The following MDFIC variants were observed in gnomAD, a reference collection of about 807,000 sequenced individuals.
MDFIC encodes the protein MyoD family inhibitor domain containing, also known as myoD family inhibitor domain-containing protein.
In MDFIC, 17 loss-of-function variants were observed where a neutral mutation model predicts 23.2. The observed-to-expected ratio is 0.73, with a 90% CI of 0.50 to 1.10. MDFIC has a LOEUF of 1.10. Ranked by LOEUF, MDFIC falls within the 50% of genes least tolerant of loss-of-function variation. The pLI is 0.00. For missense variants in MDFIC, 356 were observed against 316.6 expected (o/e 1.12, Z -0.95); for synonymous variants, 120 against 115.2 (o/e 1.04, Z -0.27).
intron 2 of MDFIC, among the ~76,000 whole-genome samples, chr7:114,938,473 C>T (rs1362507347): frequency 2.6e-5 from 4 of 151,834 alleles, no homozygotes; most frequent in South Asian, 4.2e-4. Context: ...GAATAGTGCC[C>T]CTCAAGTCTG....
At chr7:114,958,451 G>C (rs1232916303) in intron 3 of MDFIC, among the ~76,000 whole-genome samples, 3 of 152,128 alleles carry the variant, frequency 2.0e-5, no homozygotes, top group East Asian at 3.8e-4. Context: ...CCTTAAATAT[G>C]TTTGAAACTA....
chr7:114,998,224 TA>T (rs1791383218), intron 4 of MDFIC, among the ~76,000 whole-genome samples: 1 of 152,186 alleles, frequency 6.6e-6, no homozygotes, highest in African/African-American at 2.4e-5. Flanking sequence ...TTGTAGTTTA[TA>T]AAGGGTATAC....
chr7:114,978,704 G>A (rs1440658974), intron 3 of MDFIC, among the ~76,000 whole-genome samples: 1 of 151,840 alleles, frequency 6.6e-6, no homozygotes, highest in Non-Finnish European at 1.5e-5. Context: ...ATATTTGAAT[G>A]TTCCCCAGAA....
Position 115,015,673 on chromosome 7 carries a change from T to C in MDFIC, c.494-15T>C, listed in dbSNP as rs1255235731. On this transcript the variant is annotated splice_polypyrimidine_tract_variant and intron_variant, in intron 4 of 4. Transcript: ENST00000393486. ...TTTTTCTCACTATATGGTCTCCTCA[T>C]CACTGAAAATGAAGATTGTTGTGTC... is the stretch of plus-strand genomic sequence containing the variant. 1 of 1,612,888 alleles carries C rather than the reference T, an allele frequency of 6.2e-7. No homozygotes were observed. The highest frequency in any genetic ancestry group is 1.7e-5 in the Admixed American group (1 of 59,980).
At chr7:114,967,132 G>A (rs899439880) in intron 3 of MDFIC, among the ~76,000 whole-genome samples, 5 of 152,114 alleles carry the variant, frequency 3.3e-5, no homozygotes, top group Non-Finnish European at 7.4e-5. Flanking sequence ...GTTGCTCTCT[G>A]AACATTTGCA....
intron 3 of MDFIC, among the ~76,000 whole-genome samples, chr7:114,967,761 T>G (rs899878895): frequency 4.6e-5 from 7 of 151,950 alleles, no homozygotes; most frequent in Admixed American, 1.3e-4. Context: ...AATGGCACAA[T>G]TAGAGGAAAA....
intron 4 of MDFIC, among the ~76,000 whole-genome samples, chr7:115,011,277 G>A (rs867708059): frequency 2.6e-5 from 4 of 152,012 alleles, no homozygotes; most frequent in Middle Eastern, 3.4e-3. Flanking sequence ...CTTCTTAGGA[G>A]TATTATTAGA....
chr7:114,976,635 G>A (rs1030416188), intron 3 of MDFIC, among the ~76,000 whole-genome samples: 1 of 152,056 alleles, frequency 6.6e-6, no homozygotes, highest in Non-Finnish European at 1.5e-5. Context: ...ACGGTAACAG[G>A]ATGTTCTATA....
chr7:114,952,895 AG>A (rs1299503804), intron 3 of MDFIC, among the ~76,000 whole-genome samples: 4 of 152,226 alleles, frequency 2.6e-5, no homozygotes, highest in Middle Eastern at 3.2e-3. Context: ...AGCATTGCAA[AG>A]GCGCTGTCAT....
At chr7:115,004,217 A>G (rs1194247456) in intron 4 of MDFIC, among the ~76,000 whole-genome samples, 2 of 152,182 alleles carry the variant, frequency 1.3e-5, no homozygotes, top group East Asian at 1.9e-4. Context: ...AAATGAGCCA[A>G]ATGTTCACCT....
intron 3 of MDFIC, among the ~76,000 whole-genome samples, chr7:114,950,833 G>A (rs888254011): frequency 1.3e-5 from 2 of 152,136 alleles, no homozygotes; most frequent in African/African-American, 4.8e-5. Context: ...GTAAAGCTGG[G>A]TTTTTATCAA....
At chr7:115,002,362 C>G (rs1160626872) in intron 4 of MDFIC, among the ~76,000 whole-genome samples, 1 of 152,204 alleles carries the variant, frequency 6.6e-6, no homozygotes, top group Non-Finnish European at 1.5e-5. Context: ...ATCACTGTCA[C>G]TATGCATGTG....
chr7:114,958,642 T>C (rs2115851107), intron 3 of MDFIC, among the ~76,000 whole-genome samples: 1 of 152,132 alleles, frequency 6.6e-6, no homozygotes, highest in Middle Eastern at 3.4e-3. Context: ...TCCCAGCTAC[T>C]TGGGAGGCTG....
chr7:114,922,434 C>CGCCACCGCT lies in MDFIC; in HGVS notation c.-306_-298dup. On this transcript the variant is annotated 5_prime_UTR_variant, in exon 1 of 5. Transcript: ENST00000393486. ...GGGGCGGAGTGCGCGGAGTCAGAGCCGCCACCGCTGCCGCAGTTGCCGCCA... is the reference window on the plus strand; with the variant it reads ...GGGGCGGAGTGCGCGGAGTCAGAGCCGCCACCGCTGCCACCGCTGCCGCAGTTGCCGCCA... 8.1e-7 allele frequency: 1 copy of CGCCACCGCT among 1,241,974 alleles called. No individual in the cohort carries two copies. Among genetic ancestry groups the CGCCACCGCT allele is most frequent in the African/African-American group, 1.5e-5 (1 of 64,530 alleles). 76.9% of individuals were successfully genotyped at this position (1,241,974 alleles called of 1,614,324 possible).
chr7:115,004,484 T>G (rs1303957386), intron 4 of MDFIC, among the ~76,000 whole-genome samples: 1 of 152,178 alleles, frequency 6.6e-6, no homozygotes, highest in Non-Finnish European at 1.5e-5. Context: ...AACGAAACAA[T>G]TGAACTCATT....
Position 114,922,401 on chromosome 7 carries a change from G to A in MDFIC, c.-343G>A. 1 of 1,238,142 alleles carries A rather than the reference G, an allele frequency of 8.1e-7. No individual in the cohort carries two copies. The highest frequency in any genetic ancestry group is 1.0e-6 in the Non-Finnish European group (1 of 989,292). The allele number at this position is 1,238,142 out of a possible 1,614,324, so 76.7% of individuals were successfully genotyped here. On this transcript the variant is annotated 5_prime_UTR_variant, in exon 1 of 5. Coordinates refer to ENST00000393486, the MANE Select transcript of MDFIC (RefSeq NM_001166345.3). ...GGGAGCCGGCTGGAGTGAGCTGGCT[G>A]GAAAGAGGGGGCGGAGTGCGCGGAG...
chr7:114,952,769 CATA>C (rs1792802791), intron 3 of MDFIC, among the ~76,000 whole-genome samples: 2 of 152,130 alleles, frequency 1.3e-5, no homozygotes, highest in Admixed American at 6.5e-5. Flanking sequence ...CCAGTGTGAT[CATA>C]ATAAGATCAT....
chr7:114,965,196 A>G (rs1240096318), intron 3 of MDFIC, among the ~76,000 whole-genome samples: 2 of 152,160 alleles, frequency 1.3e-5, no homozygotes, highest in African/African-American at 4.8e-5. Context: ...GAGGCATGAA[A>G]AGATTGTGGT....
chr7:114,992,678 C>G (rs1299645745), intron 4 of MDFIC, among the ~76,000 whole-genome samples: 2 of 152,142 alleles, frequency 1.3e-5, no homozygotes, highest in Admixed American at 6.6e-5. Context: ...TTGAACCAGC[C>G]TTGCATCCCA....
Sources: gnomAD v4.1 joint callset for allele counts (sites outside exome capture counted in the v4.1 genomes callset) on GRCh38, gnomAD v4.1.1 for gene constraint, MANE v1.5 for transcripts, NCBI Gene and HGNC (gene_info 2026-07-23, HGNC 2026-07-21) for gene names.